SLC44A3: variants seen among roughly 807,000 people sequenced by gnomAD.
The protein encoded by SLC44A3 is choline transporter-like protein 3.
A neutral mutation model predicts 75.4 loss-of-function variants in SLC44A3; 74 were observed. The ratio of observed to expected loss-of-function variants is 0.98; its 90% CI spans 0.81 to 1.19. SLC44A3 has a LOEUF of 1.19. SLC44A3 is among the 50% of genes most tolerant of loss of function. SLC44A3 has a pLI of 0.00. For synonymous variants in SLC44A3, 310 were observed against 296.9 expected (o/e 1.04, Z -0.45); for missense variants, 700 against 778.6 (o/e 0.90, Z 1.20).
intron 12 of SLC44A3, among the ~76,000 whole-genome samples, chr1:94,882,723 C>G (rs1287088397): frequency 6.6e-6 from 1 of 151,890 alleles, no homozygotes; most frequent in African/African-American, 2.4e-5. Context: ...CAGCAAGATG[C>G]CGTTGCCTAA....
Position 94,828,474 on chromosome 1 carries a change from CT to C in SLC44A3, c.416-18del. ...CTCACCTGGAAAGAAGGTATAATGTCTGTGTGTTCTGCTTCCAGGGTCCTTC... is the reference window on the plus strand; with the variant it reads ...CTCACCTGGAAAGAAGGTATAATGTCGTGTGTTCTGCTTCCAGGGTCCTTC... On this transcript the variant is annotated intron_variant, in intron 4 of 14. Coordinates refer to ENST00000271227, the MANE Select transcript of SLC44A3 (RefSeq NM_001114106.3). The C allele has an allele frequency of 6.2e-7, 1 of 1,604,820 alleles. No homozygotes were observed. The highest frequency in any genetic ancestry group is 2.2e-5 in the East Asian group (1 of 44,784).
chr1:94,839,200 T>C (rs1216619746), intron 6 of SLC44A3, among the ~76,000 whole-genome samples: 1 of 152,210 alleles, frequency 6.6e-6, no homozygotes, highest in African/African-American at 2.4e-5. Flanking sequence ...AAATTCTTCA[T>C]TTTAAAGACA....
At chr1:94,878,123 A>G (rs1374579987) in intron 12 of SLC44A3, among the ~76,000 whole-genome samples, 2 of 151,836 alleles carry the variant, frequency 1.3e-5, no homozygotes, top group Non-Finnish European at 2.9e-5. Context: ...AGTCCCAGCT[A>G]CTCGGGAGGC....
At chr1:94,825,800 C>T (rs1175069880) in intron 3 of SLC44A3, 1 of 456,052 alleles carries the variant, frequency 2.2e-6, no homozygotes, top group East Asian at 7.0e-5. Context: ...TGGGCATGGA[C>T]TAATTACGGA....
chr1:94,874,643 TG>T (rs989582243), intron 12 of SLC44A3, among the ~76,000 whole-genome samples: 3 of 152,210 alleles, frequency 2.0e-5, no homozygotes. Context: ...TCCTCCTAAG[TG>T]TGCGGCTCCC....
intron 12 of SLC44A3, among the ~76,000 whole-genome samples, chr1:94,869,898 G>A (rs941709029): frequency 6.6e-6 from 1 of 152,194 alleles, no homozygotes; most frequent in African/African-American, 2.4e-5. Flanking sequence ...TGGAATAGGA[G>A]CTGGAAAATA....
At chr1:94,866,237 G>A (rs1376628446) in intron 11 of SLC44A3, among the ~76,000 whole-genome samples, 7 of 152,106 alleles carry the variant, frequency 4.6e-5, no homozygotes, top group South Asian at 2.1e-4. Context: ...ATGAGCAGCC[G>A]GGAGCTTGCT....
chr1:94,839,457 G>T (rs138277698), intron 6 of SLC44A3, among the ~76,000 whole-genome samples: 272 of 151,704 alleles, frequency 1.8e-3, no homozygotes, highest in African/African-American at 6.3e-3. Flanking sequence ...CCATGATCTT[G>T]GCTCACTGCC....
chr1:94,839,011 A>T (rs987820324), intron 6 of SLC44A3: 1 of 152,224 alleles, frequency 6.6e-6, no homozygotes, highest in African/African-American at 2.4e-5. Context: ...TGAGGCTTAG[A>T]GAGGTTTAGG....
intron 4 of SLC44A3, 88 bp from the exon 5 acceptor site, chr1:94,828,405 T>C: frequency 1.8e-6 from 2 of 1,085,614 alleles, no homozygotes; most frequent in Non-Finnish European, 2.7e-6. Flanking sequence ...AGTTGATTCT[T>C]TCTCCTTTCT....
chr1:94,886,170 C>T (rs890482476), intron 12 of SLC44A3, among the ~76,000 whole-genome samples: 2 of 152,168 alleles, frequency 1.3e-5, no homozygotes, highest in East Asian at 1.9e-4. Context: ...AGCAGAGCCC[C>T]GTAGGCATTG....
At position 94,864,858 on chromosome 1, in the gene SLC44A3, A is replaced by G; in HGVS notation, c.1354A>G (p.Arg452Gly). ...SFLISVVRIP[R>G]IIVMYMQNAL... ...TTTAATCTCTGTGGTGAGGATTCCG[A>G]GAATCATTGTCATGTACATGCAAAA... Residue 452 changes from arginine (R) to glycine (G), a missense_variant, in exon 11 of 15, where the codon AGA becomes GGA. Arg to Gly is a moderately radical substitution (Grantham distance 125). Coordinates refer to ENST00000271227, the MANE Select transcript of SLC44A3 (RefSeq NM_001114106.3). The G allele has an allele frequency of 6.2e-7, 1 of 1,614,062 alleles. No homozygotes were observed. Among genetic ancestry groups the G allele is most frequent in the Middle Eastern group, 1.6e-4 (1 of 6,062 alleles).
chr1:94,876,112 A>AGGCCG (rs1026010594), intron 12 of SLC44A3, among the ~76,000 whole-genome samples: 9 of 152,196 alleles, frequency 5.9e-5, no homozygotes, highest in Non-Finnish European at 7.4e-5. Flanking sequence ...TGCCTGGGCT[A>AGGCCG]GGCCGGGCCG....
intron 5 of SLC44A3, among the ~76,000 whole-genome samples, chr1:94,829,332 CTGTT>C (rs1170462254): frequency 6.6e-6 from 1 of 151,950 alleles, no homozygotes; most frequent in Non-Finnish European, 1.5e-5. Flanking sequence ...TAATTAGACT[CTGTT>C]AGTTTTTATT....
intron 5 of SLC44A3, among the ~76,000 whole-genome samples, chr1:94,837,113 T>A (rs908132491): frequency 6.6e-6 from 1 of 152,088 alleles, no homozygotes; most frequent in Non-Finnish European, 1.5e-5. Context: ...CACTTGTATG[T>A]GGAATCTAAA....
chr1:94,864,695 G>A (rs1666958273), intron 10 of SLC44A3, 48 bp from the exon 11 acceptor site: 3 of 1,577,322 alleles, frequency 1.9e-6, no homozygotes, highest in Non-Finnish European at 2.6e-6. Context: ...AGCTTTTGCT[G>A]CTTTATAAAA....
intron 1 of SLC44A3, 88 bp from the exon 2 acceptor site, chr1:94,820,861 G>C: frequency 7.4e-7 from 1 of 1,343,886 alleles, no homozygotes; most frequent in Non-Finnish European, 1.0e-6. Flanking sequence ...TGGTTACTTT[G>C]GCCCCTCTTC....
At chr1:94,894,089 C>T (rs1417124812) in intron 14 of SLC44A3, among the ~76,000 whole-genome samples, 4 of 151,958 alleles carry the variant, frequency 2.6e-5, no homozygotes, top group South Asian at 2.1e-4. Context: ...AGGGTGACTC[C>T]GTCTCCACCA....
At chr1:94,878,531 T>C (rs1163765037) in intron 12 of SLC44A3, among the ~76,000 whole-genome samples, 4 of 152,304 alleles carry the variant, frequency 2.6e-5, no homozygotes, top group Admixed American at 2.0e-4. Flanking sequence ...CTGCCCTTTC[T>C]TGTTGGACCT....
Sources: allele counts gnomAD v4.1 joint callset (sites outside exome capture counted in the v4.1 genomes callset), GRCh38; gene constraint gnomAD v4.1.1; transcripts MANE v1.5; gene names NCBI Gene and HGNC (gene_info 2026-07-23, HGNC 2026-07-21).